Variants in NEDD4L observed in about 807,000 individuals in gnomAD.
The protein encoded by NEDD4L is NEDD4 like E3 ubiquitin protein ligase.
Under a neutral mutation model 148.9 loss-of-function variants are expected in NEDD4L, and 54 were observed. That is an observed-to-expected ratio of 0.36 (90% CI 0.29 to 0.45). The LOEUF (loss-of-function observed/expected upper bound fraction) is 0.45. NEDD4L is among the 20% of genes least tolerant of loss of function. The pLI, the probability that NEDD4L is intolerant of heterozygous loss-of-function variation, is 1.00. For synonymous variants in NEDD4L, 433 were observed against 440.7 expected (o/e 0.98, Z 0.22); for missense variants, 856 against 1,233.8 (o/e 0.69, Z 4.59).
At chr18:58,070,490 A>G (rs2082810381) in intron 1 of NEDD4L, among the ~76,000 whole-genome samples, 1 of 151,970 alleles carries the variant, frequency 6.6e-6, no homozygotes, top group African/African-American at 2.4e-5. Flanking sequence ...AGGCTCAAAC[A>G]GTTTTTTTAA....
intron 1 of NEDD4L, among the ~76,000 whole-genome samples, chr18:58,077,234 T>C (rs997442760): frequency 7.4e-6 from 1 of 134,716 alleles, no homozygotes; most frequent in African/African-American, 2.8e-5. Context: ...AGTGCAGTGG[T>C]GTGATCTCTG....
chr18:58,323,652 CTT>C (rs2059045393), intron 8 of NEDD4L, among the ~76,000 whole-genome samples: 1 of 152,194 alleles, frequency 6.6e-6, no homozygotes, highest in Admixed American at 6.5e-5. Flanking sequence ...ACTTGCAACT[CTT>C]TGTAAATTCT....
At chr18:58,389,884 G>C (rs1161616078) in intron 28 of NEDD4L, among the ~76,000 whole-genome samples, 2 of 151,878 alleles carry the variant, frequency 1.3e-5, no homozygotes, top group Non-Finnish European at 2.9e-5. Flanking sequence ...GCCCAGGCTG[G>C]ATTCAAATTC....
At chr18:58,392,168 A>G (rs73441331) in intron 30 of NEDD4L, among the ~76,000 whole-genome samples, 4,940 of 152,350 alleles carry the variant, frequency 0.032, 94 homozygotes, top group Middle Eastern at 0.048. Context: ...CCCAGCACAA[A>G]TGCAGACTGG....
chr18:58,048,034 G>T (rs2081668642), intron 1 of NEDD4L, among the ~76,000 whole-genome samples: 1 of 152,156 alleles, frequency 6.6e-6, no homozygotes, highest in Non-Finnish European at 1.5e-5. Context: ...AGAAATGAAG[G>T]CCAGGCTGAC....
At chr18:58,044,833 G>A (rs564451735) in intron 1 of NEDD4L, 125 bp downstream of exon 1, 9 of 1,235,780 alleles carry the variant, frequency 7.3e-6, no homozygotes, top group Middle Eastern at 2.2e-4. Context: ...GCCCCAAAGC[G>A]GGAGCGCCCC....
chr18:58,263,675 TTTTC>T (rs1359166889), intron 5 of NEDD4L, among the ~76,000 whole-genome samples: 6 of 144,418 alleles, frequency 4.2e-5, no homozygotes, highest in Admixed American at 3.6e-4. Context: ...TTTTTTTTTT[TTTTC>T]TCTCTCTCAT....
intron 5 of NEDD4L, among the ~76,000 whole-genome samples, chr18:58,290,415 T>C (rs980129783): frequency 2.4e-5 from 3 of 125,718 alleles, no homozygotes; most frequent in African/African-American, 9.8e-5. Context: ...TAGATGATAC[T>C]ATCTGTCATT....
Position 58,360,857 on chromosome 18 carries a change from T to C in NEDD4L, c.1768-3411T>C, listed in dbSNP as rs904911019. Among the ~76,000 whole-genome samples, 3 of 152,150 alleles carry C rather than the reference T, an allele frequency of 2.0e-5. No individual in the cohort carries two copies. In the South Asian group the frequency reaches 6.2e-4, roughly 32 times the overall value. ...GCTTTTGTAAGTCCTGACCTGTATT[T>C]ACTGTTAACTTCTTAGCTTGGGTTC... On this transcript the variant is annotated intron_variant, in intron 19 of 30. Coordinates refer to ENST00000400345, the MANE Select transcript of NEDD4L (RefSeq NM_001144967.3).
At chr18:58,164,826 C>T (rs1230391059) in intron 1 of NEDD4L, among the ~76,000 whole-genome samples, 1 of 152,188 alleles carries the variant, frequency 6.6e-6, no homozygotes, top group East Asian at 1.9e-4. Context: ...TTGGTTATAA[C>T]TGCAGGCTCT....
intron 5 of NEDD4L, among the ~76,000 whole-genome samples, chr18:58,296,999 A>G (rs2055705539): frequency 1.3e-5 from 2 of 152,190 alleles, no homozygotes; most frequent in East Asian, 1.9e-4. Context: ...AGGCACGAGA[A>G]TTGCTTGAAC....
At chr18:58,390,592 G>GC in intron 28 of NEDD4L, 54 bp from the exon 29 acceptor site, 1 of 1,097,180 alleles carries the variant, frequency 9.1e-7, no homozygotes, top group Non-Finnish European at 1.4e-6. Flanking sequence ...CATGACAGCA[G>GC]CATGTGCCAT....
intron 1 of NEDD4L, among the ~76,000 whole-genome samples, chr18:58,141,055 T>C (rs1214773471): frequency 1.3e-5 from 2 of 152,148 alleles, no homozygotes; most frequent in Admixed American, 1.3e-4. Flanking sequence ...TGAGTTTTAG[T>C]GTCCTCAGGT....
At chr18:58,120,502 G>A (rs1034342708) in intron 1 of NEDD4L, among the ~76,000 whole-genome samples, 5 of 152,114 alleles carry the variant, frequency 3.3e-5, no homozygotes, top group Non-Finnish European at 4.4e-5. Flanking sequence ...TGCCACGGCC[G>A]GGCGTGGTGG....
In NEDD4L at chr18:58,344,085, T is replaced by G. The variant is rs74639711; in HGVS notation, c.1575+982T>G. On this transcript the variant is annotated intron_variant, in intron 16 of 30. Transcript: ENST00000400345. ...GGAATGCTGGTTGAGTTTTGGTGAT[T>G]GTTATTGGCCCTAGCTCTTCGGTCT... is the stretch of plus-strand genomic sequence containing the variant. Among the ~76,000 whole-genome samples the G allele has an allele frequency of 2.7e-3, 409 of 152,340 alleles. 2 individuals are homozygous for G. Among genetic ancestry groups the G allele is most frequent in the African/African-American group, 9.3e-3 (388 of 41,576 alleles).
At chr18:58,266,174 T>C (rs960188067) in intron 5 of NEDD4L, among the ~76,000 whole-genome samples, 23 of 152,062 alleles carry the variant, frequency 1.5e-4, no homozygotes, top group African/African-American at 4.3e-4. Context: ...AAAATTATAA[T>C]GTTGATCGGA....
At chr18:58,269,521 T>A (rs1054009166) in intron 5 of NEDD4L, among the ~76,000 whole-genome samples, 2 of 152,070 alleles carry the variant, frequency 1.3e-5, no homozygotes, top group African/African-American at 2.4e-5. Flanking sequence ...TGGAATAGAA[T>A]CTACCAAGAA....
At chr18:58,384,381 T>TA (rs1374244644) in intron 25 of NEDD4L, among the ~76,000 whole-genome samples, 1 of 152,220 alleles carries the variant, frequency 6.6e-6, no homozygotes, top group Non-Finnish European at 1.5e-5. Flanking sequence ...CCTCGGTTCT[T>TA]ACCTGGCCAC....
rs76605209 is a variant in NEDD4L at position 58,179,251 on chromosome 18, A to G, written c.122+13390A>G. Among the ~76,000 whole-genome samples the G allele has an allele frequency of 9.0e-3, 1,376 of 152,170 alleles. 21 individuals carry two copies. Among genetic ancestry groups the G allele is most frequent in the African/African-American group, 0.032 (1,310 of 41,510 alleles). The stretch of plus-strand genomic sequence containing the variant: ...CAAGCCATCATGTTCTTGAAGTGAG[A>G]CTTCACCCACTAGTGGGGCCGTATA... On this transcript the variant is annotated intron_variant, in intron 2 of 30. Transcript: ENST00000400345.
Sources: gnomAD v4.1 joint callset for allele counts (sites outside exome capture counted in the v4.1 genomes callset) on GRCh38, gnomAD v4.1.1 for gene constraint, MANE v1.5 for transcripts, NCBI Gene and HGNC (gene_info 2026-07-23, HGNC 2026-07-21) for gene names.